The following LRP8 variants were observed in gnomAD, a reference collection of about 807,000 sequenced individuals.
LRP8 encodes the protein low-density lipoprotein receptor-related protein 8.
A neutral mutation model predicts 111.6 loss-of-function variants in LRP8; 46 were observed. The ratio of observed to expected loss-of-function variants is 0.41; its 90% CI spans 0.33 to 0.53. The LOEUF (loss-of-function observed/expected upper bound fraction) is 0.53. LRP8 is among the 20% of genes least tolerant of loss of function. The probability of loss-of-function intolerance (pLI) is 0.20; values close to 1 mark genes in which losing one functional copy is unlikely to be tolerated. For missense variants in LRP8, 959 were observed against 1,297.4 expected (o/e 0.74, Z 4.01); for synonymous variants, 464 against 511.2 (o/e 0.91, Z 1.24).
rs1323091433 is a variant in LRP8, at chr1:53,274,778, C to T, written c.1006+853G>A. 1.3e-5 allele frequency: 6 copies of T among 456,332 alleles called. No homozygotes were observed. In the Admixed American group the frequency reaches 1.4e-4, roughly 11 times the overall value. The allele number at this position is 456,332 out of a possible 1,614,324, so 28.3% of individuals were successfully genotyped here. ...CACTTTCCCGCCGTCCACGCGCTTGCCACTCTTACACTGAAATCTGCGGGG... is the reference window on the plus strand; with the variant it reads ...CACTTTCCCGCCGTCCACGCGCTTGTCACTCTTACACTGAAATCTGCGGGG... On this transcript the variant is annotated intron_variant, in intron 6 of 18. Transcript: ENST00000306052.
intron 2 of LRP8, among the ~76,000 whole-genome samples, chr1:53,320,337 G>A (rs1654342570): frequency 6.6e-6 from 1 of 152,218 alleles, no homozygotes; most frequent in Admixed American, 6.5e-5. Flanking sequence ...AACAAAGAGG[G>A]TGGGGGTGGG....
chr1:53,251,334 G>A (rs1339787941), intron 16 of LRP8, among the ~76,000 whole-genome samples: 2 of 152,052 alleles, frequency 1.3e-5, no homozygotes, highest in Non-Finnish European at 2.9e-5. Flanking sequence ...CTAAGAAAAC[G>A]ATTCTCTCCC....
rs1344468594 is a variant in LRP8, at chr1:53,317,235, T to A, written c.244+9638A>T. Among the ~76,000 whole-genome samples, 7 of 152,170 alleles carry A rather than the reference T, an allele frequency of 4.6e-5. No individual in the cohort carries two copies. Among genetic ancestry groups the A allele is most frequent in the Non-Finnish European group, 1.5e-5 (1 of 68,026 alleles). ...CCACCAGGAAAGCCCACCCTTGGCC[T>A]CCAGCTATTCAGTCGGGCAGCTTAA... On this transcript the variant is annotated intron_variant, in intron 2 of 18. Coordinates refer to ENST00000306052, the MANE Select transcript of LRP8 (RefSeq NM_004631.5). The surrounding 1 kb of genome is among the most constrained non-coding windows in gnomAD (Gnocchi z 4.9).
chr1:53,311,257 C>T (rs72895378), intron 2 of LRP8, among the ~76,000 whole-genome samples: 23,275 of 152,114 alleles, frequency 0.15, 2,570 homozygotes, highest in African/African-American at 0.32. Flanking sequence ...GCCCTGCTGG[C>T]AGCAGGGTGT....
rs1646366599 is a variant in LRP8 at position 53,262,246 on chromosome 1, C to G, written c.1775-39G>C. 1 of 1,610,476 alleles carries G rather than the reference C, an allele frequency of 6.2e-7. No individual in the cohort carries two copies. The highest frequency in any genetic ancestry group is 1.1e-5 in the South Asian group (1 of 90,826). ...CAGGATCAGGTCATGAACCTGGGACCCCAGTCTGGAGCTCTGTTCCTTTGT... is the reference window on the plus strand; with the variant it reads ...CAGGATCAGGTCATGAACCTGGGACGCCAGTCTGGAGCTCTGTTCCTTTGT... On this transcript the variant is annotated intron_variant, in intron 11 of 18. Coordinates refer to ENST00000306052, the MANE Select transcript of LRP8 (RefSeq NM_004631.5). This position sits in a 1 kb window ranked among gnomAD's most constrained non-coding sequence, Gnocchi z 4.8.
At chr1:53,296,008 A>G (rs1572593016) in intron 2 of LRP8, among the ~76,000 whole-genome samples, 2 of 152,252 alleles carry the variant, frequency 1.3e-5, no homozygotes, top group Non-Finnish European at 2.9e-5. Flanking sequence ...TAAAAAATAG[A>G]ACAAAGTGTT....
At chr1:53,263,118 G>A (rs1247314572) in intron 10 of LRP8, among the ~76,000 whole-genome samples, 2 of 152,202 alleles carry the variant, frequency 1.3e-5, no homozygotes, top group African/African-American at 2.4e-5. Context: ...GATCCGCAGT[G>A]GATTGGGGTT....
At chr1:53,306,616 T>C (rs750416574) in intron 2 of LRP8, among the ~76,000 whole-genome samples, 5 of 152,180 alleles carry the variant, frequency 3.3e-5, no homozygotes, top group Non-Finnish European at 5.9e-5. Flanking sequence ...GTTCCTGCTT[T>C]ACTTCACTGC....
At chr1:53,298,217 C>T (rs1419974495) in intron 2 of LRP8, among the ~76,000 whole-genome samples, 2 of 152,228 alleles carry the variant, frequency 1.3e-5, no homozygotes, top group Non-Finnish European at 2.9e-5. Flanking sequence ...GGCCCAAGCC[C>T]TTGCTGGGGT....
intron 3 of LRP8, among the ~76,000 whole-genome samples, chr1:53,281,208 C>T (rs930317130): frequency 6.6e-6 from 1 of 152,202 alleles, no homozygotes; most frequent in African/African-American, 2.4e-5. Flanking sequence ...TCCAATCGGC[C>T]CGCCTCTAAG....
chr1:53,284,188 G>A (rs1403071446), intron 3 of LRP8, among the ~76,000 whole-genome samples: 16 of 118,576 alleles, frequency 1.3e-4, no homozygotes, highest in Non-Finnish European at 2.0e-4. Flanking sequence ...CTACATACCC[G>A]GGCCGCTTAC....
intron 8 of LRP8, among the ~76,000 whole-genome samples, chr1:53,269,774 G>T (rs10888778): frequency 0.38 from 58,074 of 151,964 alleles, 11,910 homozygotes; most frequent in East Asian, 0.71. Flanking sequence ...TATATTTTAT[G>T]TATTTATCTG....
chr1:53,280,389 G>C (rs1344228315), intron 4 of LRP8, among the ~76,000 whole-genome samples, 198 bp downstream of exon 4: 2 of 152,210 alleles, frequency 1.3e-5, no homozygotes, highest in African/African-American at 4.8e-5. Flanking sequence ...GATAATGGCT[G>C]CTCATGAGGT....
In LRP8 at chr1:53,293,069, A is replaced by G. The variant is rs563042555; in HGVS notation, c.245-3380T>C. ...AGGATGTGTGGTCAGACAGTGCCCAAAACAGCAGGGCAGGCTTGAAGAAGG... is the reference window on the plus strand; with the variant it reads ...AGGATGTGTGGTCAGACAGTGCCCAGAACAGCAGGGCAGGCTTGAAGAAGG... On this transcript the variant is annotated intron_variant, in intron 2 of 18. Transcript: ENST00000306052. This position sits in a 1 kb window ranked among gnomAD's most constrained non-coding sequence, Gnocchi z 4.9. 1.3e-5 allele frequency among the ~76,000 whole-genome samples: 2 copies of G among 152,322 alleles called. No individual in the cohort carries two copies. Among genetic ancestry groups the G allele is most frequent in the South Asian group, 4.1e-4 (2 of 4,826 alleles).
At chr1:53,321,716 G>A (rs1654544372) in intron 2 of LRP8, among the ~76,000 whole-genome samples, 1 of 151,976 alleles carries the variant, frequency 6.6e-6, no homozygotes, top group Non-Finnish European at 1.5e-5. Context: ...GAGGGCCCAA[G>A]GGAAAGTCTT....
intron 3 of LRP8, chr1:53,288,159 T>C (rs1647925461): frequency 6.6e-6 from 1 of 152,378 alleles, no homozygotes; most frequent in African/African-American, 2.4e-5. Flanking sequence ...AAAAGCTCCC[T>C]GTGGCCACAA....
At chr1:53,310,348 C>G (rs1308756227) in intron 2 of LRP8, among the ~76,000 whole-genome samples, 1 of 152,122 alleles carries the variant, frequency 6.6e-6, no homozygotes, top group East Asian at 1.9e-4. Context: ...CCCACCCCAG[C>G]CCACCTCCCA....
chr1:53,259,953 T>C lies in LRP8; in HGVS notation c.2056+511A>G, dbSNP rs542764196. On this transcript the variant is annotated intron_variant, in intron 13 of 18. Transcript: ENST00000306052. The stretch of plus-strand genomic sequence containing the variant: ...TACAGTTAGAATTAATGTATCCTAG[T>C]GATAGAGGAGGGGACAACCTAGTAG... Among the ~76,000 whole-genome samples the C allele has an allele frequency of 2.0e-5, 3 of 152,330 alleles. No individual in the cohort carries two copies. In the East Asian group the frequency reaches 5.8e-4, roughly 29 times the overall value.
In LRP8 at chr1:53,275,786, G is replaced by A. The variant is rs549298726; in HGVS notation, c.884-33C>T. The A allele has an allele frequency of 6.8e-6, 11 of 1,610,866 alleles. No individual in the cohort carries two copies. The African/African-American group carries it at 1.3e-4, about 20-fold the overall frequency. ...GAGAGGGCAAGGGGAGAGGATCAGA[G>A]TCAGTGTGGTGCTAGGACAATTTCC... On this transcript the variant is annotated intron_variant, in intron 5 of 18. Coordinates refer to ENST00000306052, the MANE Select transcript of LRP8 (RefSeq NM_004631.5). This position sits in a 1 kb window ranked among gnomAD's most constrained non-coding sequence, Gnocchi z 4.4.
Sources: allele counts gnomAD v4.1 joint callset (sites outside exome capture counted in the v4.1 genomes callset), GRCh38; gene constraint gnomAD v4.1.1; non-coding constraint Gnocchi (gnomAD v3.1); transcripts MANE v1.5; gene names NCBI Gene and HGNC (gene_info 2026-07-23, HGNC 2026-07-21).